The following FBLN5 variants were observed in gnomAD, a reference collection of about 807,000 sequenced individuals.
FBLN5 encodes the protein fibulin 5, also known as fibulin-5.
Under a neutral mutation model 61.6 loss-of-function variants are expected in FBLN5, and 24 were observed. The observed-to-expected ratio is 0.39, with a 90% CI of 0.28 to 0.55. FBLN5 has a LOEUF of 0.55. FBLN5 is among the 20% of genes least tolerant of loss of function. FBLN5 has a pLI of 0.65. For synonymous variants in FBLN5, 213 were observed against 219.8 expected (o/e 0.97, Z 0.27); for missense variants, 470 against 594.1 (o/e 0.79, Z 2.17).
chr14:91,912,809 CAAAA>C (rs200501822), intron 4 of FBLN5, among the ~76,000 whole-genome samples: 5 of 93,032 alleles, frequency 5.4e-5, no homozygotes, highest in Admixed American at 1.2e-4. Context: ...GACTCTGACT[CAAAA>C]AAAAAAAAAA....
chr14:91,940,042 A>G, intron 3 of FBLN5: 1 of 444,526 alleles, frequency 2.2e-6, no homozygotes, highest in Non-Finnish European at 4.5e-6. Context: ...AGCCAAGGAA[A>G]GCAGGAGGCT....
chr14:91,890,488 G>T (rs1049589696), intron 6 of FBLN5, among the ~76,000 whole-genome samples: 11 of 152,206 alleles, frequency 7.2e-5, no homozygotes, highest in African/African-American at 2.4e-4. Flanking sequence ...GGGGGAAGTC[G>T]GGGGCCAAAG....
intron 4 of FBLN5, among the ~76,000 whole-genome samples, chr14:91,898,677 C>A (rs1277168059): frequency 1.3e-5 from 2 of 152,100 alleles, no homozygotes; most frequent in South Asian, 2.1e-4. Flanking sequence ...TCCTCATGGG[C>A]AAACAGGGTC....
chr14:91,873,872 T>C (rs912552444), intron 10 of FBLN5: 2 of 152,420 alleles, frequency 1.3e-5, no homozygotes, highest in South Asian at 4.1e-4. Context: ...CCAGCTTCCA[T>C]GGGCCCTGTC....
chr14:91,906,919 G>A (rs112586425), intron 4 of FBLN5, among the ~76,000 whole-genome samples: 5 of 152,348 alleles, frequency 3.3e-5, no homozygotes, highest in African/African-American at 1.2e-4. Context: ...TCTGTTTACA[G>A]TCTAGTTGAA....
chr14:91,891,074 C>T (rs758454230), intron 6 of FBLN5, 147 bp downstream of exon 6: 1 of 710,348 alleles, frequency 1.4e-6, no homozygotes, highest in Non-Finnish European at 2.6e-6. Context: ...TCTCACGTTT[C>T]TGTAGTAATG....
Position 91,947,340 on chromosome 14 carries a change from G to A in FBLN5, c.-111C>T. On this transcript the variant is annotated 5_prime_UTR_variant, in exon 1 of 11. Transcript: ENST00000342058. This position sits in a 1 kb window ranked among gnomAD's most constrained non-coding sequence, Gnocchi z 4.3. ...CTCTGGGCCCTCGGGGCTCGCGGGT[G>A]TTTTATTCCAGAGGGGCCGAGCGAG... 1 of 1,301,262 alleles carries A rather than the reference G, an allele frequency of 7.7e-7. No individual in the cohort carries two copies. The highest frequency in any genetic ancestry group is 1.2e-5 in the South Asian group (1 of 82,830). 80.6% of individuals were successfully genotyped at this position (1,301,262 alleles called of 1,614,324 possible).
chr14:91,872,347 A>G (rs1888979149), intron 10 of FBLN5, among the ~76,000 whole-genome samples: 1 of 152,178 alleles, frequency 6.6e-6, no homozygotes, highest in African/African-American at 2.4e-5. Flanking sequence ...CGGTCAGTGC[A>G]AGGGACAGAT....
chr14:91,921,985 A>T (rs2055744383), intron 4 of FBLN5, among the ~76,000 whole-genome samples: 1 of 152,180 alleles, frequency 6.6e-6, no homozygotes. Flanking sequence ...TGGGACAGTC[A>T]TGGAGCCCTT....
intron 3 of FBLN5, among the ~76,000 whole-genome samples, chr14:91,940,123 A>G (rs1204610266): frequency 1.3e-5 from 2 of 152,148 alleles, no homozygotes; most frequent in African/African-American, 4.8e-5. Context: ...CAACCACAAG[A>G]AACTCAATTC....
chr14:91,891,211 C>T lies in FBLN5; in HGVS notation c.619+10G>A, dbSNP rs370854347. 6.2e-5 allele frequency: 92 copies of T among 1,472,560 alleles called. No individual in the cohort carries two copies. The highest frequency in any genetic ancestry group is 1.9e-4 in the African/African-American group (14 of 72,236). 91.2% of individuals were successfully genotyped at this position (1,472,560 alleles called of 1,614,324 possible). ...CACATCATGTCCAAGTTATCATGCACGTCACATACCTTGGCAAGACCTTCC... is the reference window on the plus strand; with the variant it reads ...CACATCATGTCCAAGTTATCATGCATGTCACATACCTTGGCAAGACCTTCC... On this transcript the variant is annotated intron_variant, in intron 6 of 10. Coordinates refer to ENST00000342058, the MANE Select transcript of FBLN5 (RefSeq NM_006329.4).
rs1890431227 is a variant in FBLN5, at chr14:91,901,103, A to G, written c.380-6031T>C. ...CCAGGCATCTCTGGGCCCATCTATG[A>G]TTCTATAATTGTAGGCATCCAAAAG... is the stretch of plus-strand genomic sequence containing the variant. On this transcript the variant is annotated intron_variant, in intron 4 of 10. Transcript: ENST00000342058. Among the ~76,000 whole-genome samples, 3 of 152,258 alleles carry G rather than the reference A, an allele frequency of 2.0e-5. No individual in the cohort carries two copies. The South Asian group carries it at 6.2e-4, about 32-fold the overall frequency.
chr14:91,942,773 T>C (rs1347817050), intron 2 of FBLN5, 134 bp downstream of exon 2: 3 of 678,962 alleles, frequency 4.4e-6, no homozygotes, highest in South Asian at 1.6e-5. Flanking sequence ...CCTCTGAGAA[T>C]GAAGAGCTCA....
At chr14:91,931,325 G>A (rs2055919135) in intron 4 of FBLN5, among the ~76,000 whole-genome samples, 2 of 152,176 alleles carry the variant, frequency 1.3e-5, no homozygotes, top group Non-Finnish European at 2.9e-5. Context: ...AAGCTCTAGA[G>A]AGAGCTCCGT....
chr14:91,871,292 A>G (rs1888916043), intron 10 of FBLN5, among the ~76,000 whole-genome samples: 1 of 150,420 alleles, frequency 6.6e-6, no homozygotes. Context: ...CCAGGGGCCC[A>G]TTCCAAGATT....
At chr14:91,921,113 T>C (rs886235581) in intron 4 of FBLN5, among the ~76,000 whole-genome samples, 1 of 152,230 alleles carries the variant, frequency 6.6e-6, no homozygotes, top group African/African-American at 2.4e-5. Context: ...ACCCAGAAAG[T>C]AAAATCCGTC....
At chr14:91,912,024 CATT>C (rs1188752237) in intron 4 of FBLN5, among the ~76,000 whole-genome samples, 1 of 152,186 alleles carries the variant, frequency 6.6e-6, no homozygotes, top group Non-Finnish European at 1.5e-5. Context: ...CACTGTGCAT[CATT>C]GTTACATTGT....
chr14:91,895,133 C>A, intron 4 of FBLN5, 61 bp from the exon 5 acceptor site: 1 of 1,605,338 alleles, frequency 6.2e-7, no homozygotes, highest in Non-Finnish European at 8.5e-7. Context: ...CTGGAGCCAC[C>A]AGGGGTGCCA....
intron 4 of FBLN5, among the ~76,000 whole-genome samples, chr14:91,925,020 C>T (rs1228179839): frequency 6.6e-6 from 1 of 152,218 alleles, no homozygotes; most frequent in East Asian, 1.9e-4. Context: ...CCCATGGAAA[C>T]TGTTGAAGAT....
Sources: allele counts gnomAD v4.1 joint callset (sites outside exome capture counted in the v4.1 genomes callset), GRCh38; gene constraint gnomAD v4.1.1; non-coding constraint Gnocchi (gnomAD v3.1); transcripts MANE v1.5; gene names NCBI Gene and HGNC (gene_info 2026-07-23, HGNC 2026-07-21).